The following MGST1 variants were observed in gnomAD, a reference collection of about 807,000 sequenced individuals.
MGST1 encodes microsomal glutathione S-transferase 1.
Under a neutral mutation model 8.9 loss-of-function variants are expected in MGST1, and 5 were observed. The observed-to-expected ratio is 0.56, with a 90% CI of 0.29 to 1.19. The LOEUF (loss-of-function observed/expected upper bound fraction) is 1.19. Ranked by LOEUF, MGST1 falls within the 50% of genes most tolerant of loss-of-function variation. The pLI is 0.08. For missense variants in MGST1, 182 were observed against 187.4 expected (o/e 0.97, Z 0.17); for synonymous variants, 54 against 67.8 (o/e 0.80, Z 1.00).
At chr12:16,493,418 A>T (rs973126521) in intron 4 of MGST1, among the ~76,000 whole-genome samples, 1 of 152,094 alleles carries the variant, frequency 6.6e-6, no homozygotes, top group Admixed American at 6.6e-5. Context: ...CCTATCCCAT[A>T]CTTTATAAAT....
In MGST1 at chr12:16,586,204, A is replaced by G. The variant is rs536339238; in HGVS notation, n.483-3324A>G. On this transcript the variant is annotated intron_variant and non_coding_transcript_variant, in intron 4 of 4. Transcript: ENST00000538857. This position sits in a 1 kb window ranked among gnomAD's most constrained non-coding sequence, Gnocchi z 4.3. ...TTTCAGGTAATCTGCCATAAATACT[A>G]TTTCCTTCAGATGACTTCTTAAAAC... Among the ~76,000 whole-genome samples, 7 of 150,718 alleles carry G rather than the reference A, an allele frequency of 4.6e-5. No homozygotes were observed. Among genetic ancestry groups the G allele is most frequent in the African/African-American group, 1.7e-4 (7 of 41,368 alleles).
chr12:16,461,180 G>GAA (rs35831625), intron 4 of MGST1, among the ~76,000 whole-genome samples: 1,683 of 145,680 alleles, frequency 0.012, 28 homozygotes, highest in African/African-American at 0.038. Flanking sequence ...ATGCCCAAAG[G>GAA]AAAAAAAAAA....
intron 1 of MGST1, chr12:16,399,706 TG>T (rs956756446): frequency 2.3e-5 from 29 of 1,264,700 alleles, no homozygotes; most frequent in Non-Finnish European, 3.4e-5. Context: ...TCATCAACAA[TG>T]GTCTTTATTG....
chr12:16,459,241 A>C (rs892056706), intron 4 of MGST1, among the ~76,000 whole-genome samples: 1 of 152,038 alleles, frequency 6.6e-6, no homozygotes, highest in African/African-American at 2.4e-5. Flanking sequence ...ACCTCCTGGA[A>C]ATTTTAAATC....
chr12:16,582,845 C>T lies in MGST1; in HGVS notation n.483-6683C>T, dbSNP rs111244740. On this transcript the variant is annotated intron_variant and non_coding_transcript_variant, in intron 4 of 4. Coordinates refer to the MGST1 transcript ENST00000538857. This position sits in a 1 kb window ranked among gnomAD's most constrained non-coding sequence, Gnocchi z 4.1. ...AGTGGATCACCTGAGGTCAGGAGTT[C>T]GAGACCAGCCTGGCCAACATGGCGA... is the stretch of plus-strand genomic sequence containing the variant. 2.8e-3 allele frequency among the ~76,000 whole-genome samples: 428 copies of T among 152,028 alleles called. 3 individuals carry two copies. The highest frequency in any genetic ancestry group is 0.012 in the South Asian group (59 of 4,810).
At chr12:16,433,718 A>G (rs544202325) in intron 1 of MGST1, among the ~76,000 whole-genome samples, 14 of 152,218 alleles carry the variant, frequency 9.2e-5, no homozygotes, top group Non-Finnish European at 1.5e-5. Context: ...TGGGCATCCT[A>G]TGGCTCCTTA....
chr12:16,572,018 G>A (rs781260024), intron 4 of MGST1, among the ~76,000 whole-genome samples: 3 of 151,902 alleles, frequency 2.0e-5, no homozygotes, highest in Non-Finnish European at 4.4e-5. Context: ...AGCCATGAAA[G>A]CAATTATTTG....
rs938888573 is a variant in MGST1 at position 16,576,120 on chromosome 12, T to G, written n.483-13408T>G. On this transcript the variant is annotated intron_variant and non_coding_transcript_variant, in intron 4 of 4. Coordinates refer to the MGST1 transcript ENST00000538857. This position sits in a 1 kb window ranked among gnomAD's most constrained non-coding sequence, Gnocchi z 4.1. ...TGCACTCATACTACAACCTCCCAGCTGAACATCTTTCCACCAGCCTGCCCT... is the reference window on the plus strand; with the variant it reads ...TGCACTCATACTACAACCTCCCAGCGGAACATCTTTCCACCAGCCTGCCCT... Among the ~76,000 whole-genome samples the G allele has an allele frequency of 2.6e-5, 4 of 152,166 alleles. No individual in the cohort carries two copies. The highest frequency in any genetic ancestry group is 9.7e-5 in the African/African-American group (4 of 41,446).
chr12:16,429,013 G>GT (rs764859784), intron 1 of MGST1, among the ~76,000 whole-genome samples: 2 of 151,584 alleles, frequency 1.3e-5, no homozygotes, highest in African/African-American at 2.4e-5. Context: ...GTACATTTTT[G>GT]TTTTTTTGAA....
At chr12:16,508,641 T>A (rs1169075760) in intron 4 of MGST1, among the ~76,000 whole-genome samples, 1 of 152,202 alleles carries the variant, frequency 6.6e-6, no homozygotes, top group Non-Finnish European at 1.5e-5. Context: ...GATCTGATCT[T>A]CAACTTTGAT....
At chr12:16,551,265 T>A in intron 4 of MGST1, 1 of 1,613,198 alleles carries the variant, frequency 6.2e-7, no homozygotes, top group Non-Finnish European at 8.5e-7. Flanking sequence ...TAAACCTTCC[T>A]CGTAGTCCGT....
intron 4 of MGST1, among the ~76,000 whole-genome samples, chr12:16,512,143 C>A (rs940986464): frequency 6.6e-6 from 1 of 151,906 alleles, no homozygotes; most frequent in Non-Finnish European, 1.5e-5. Context: ...ATTGCTAGTT[C>A]TTTTTTCCTT....
intron 1 of MGST1, chr12:16,350,817 G>C (rs1275594927): frequency 6.6e-6 from 1 of 152,194 alleles, no homozygotes; most frequent in African/African-American, 2.4e-5. Flanking sequence ...TCAGATGCTT[G>C]GTGCTGGCCA....
chr12:16,434,758 T>C (rs1940969374), intron 1 of MGST1, among the ~76,000 whole-genome samples: 1 of 152,024 alleles, frequency 6.6e-6, no homozygotes, highest in Non-Finnish European at 1.5e-5. Flanking sequence ...ACCAGCATGC[T>C]TGACTTCTAA....
At chr12:16,425,140 T>C (rs1343381628) in intron 1 of MGST1, among the ~76,000 whole-genome samples, 5 of 152,154 alleles carry the variant, frequency 3.3e-5, no homozygotes, top group African/African-American at 1.2e-4. Flanking sequence ...ACAGCAATTA[T>C]GGTCTTTGAG....
intron 4 of MGST1, among the ~76,000 whole-genome samples, chr12:16,578,480 C>G (rs1176618869): frequency 6.6e-6 from 1 of 152,080 alleles, no homozygotes; most frequent in East Asian, 1.9e-4. Context: ...CTGGCCCATG[C>G]TCAGGTCTGA....
At chr12:16,590,670 T>C (rs1257494029), downstream of MGST1, among the ~76,000 whole-genome samples, 1 of 152,088 alleles carries the variant, frequency 6.6e-6, no homozygotes, top group African/African-American at 2.4e-5. Flanking sequence ...GATCTTACTC[T>C]CATAAATGCT....
chr12:16,555,811 A>G lies in MGST1; in HGVS notation n.483-33717A>G, dbSNP rs1421262317. ...AATTTGCCTGAAAATTCCTTTCCTC[A>G]CTGCTCCCTGGCTCCCTCATCTTCC... On this transcript the variant is annotated intron_variant and non_coding_transcript_variant, in intron 4 of 4. Coordinates refer to the MGST1 transcript ENST00000538857. This position sits in a 1 kb window ranked among gnomAD's most constrained non-coding sequence, Gnocchi z 5.5. 6.6e-6 allele frequency among the ~76,000 whole-genome samples: 1 copy of G among 152,030 alleles called. No homozygotes were observed. The highest frequency in any genetic ancestry group is 2.4e-5 in the African/African-American group (1 of 41,452).
chr12:16,514,541 C>T (rs939992116), intron 4 of MGST1, among the ~76,000 whole-genome samples: 5 of 149,864 alleles, frequency 3.3e-5, no homozygotes, highest in Admixed American at 2.0e-4. Context: ...GGTTAAAGCC[C>T]GAACAGGTGG....
Sources: gnomAD v4.1 joint callset for allele counts (sites outside exome capture counted in the v4.1 genomes callset) on GRCh38, gnomAD v4.1.1 for gene constraint, Gnocchi (gnomAD v3.1) non-coding constraint, MANE v1.5 for transcripts, NCBI Gene and HGNC (gene_info 2026-07-23, HGNC 2026-07-21) for gene names.